The following NLGN1 variants were observed in gnomAD, a reference collection of about 807,000 sequenced individuals.
The protein encoded by NLGN1 is neuroligin-1.
In NLGN1, 12 loss-of-function variants were observed where a neutral mutation model predicts 65.5. That is an observed-to-expected ratio of 0.18 (90% CI 0.12 to 0.30). The LOEUF (loss-of-function observed/expected upper bound fraction) is 0.30. NLGN1 is among the 10% of genes least tolerant of loss of function. NLGN1 has a pLI of 1.00. For synonymous variants in NLGN1, 350 were observed against 359.5 expected (o/e 0.97, Z 0.30); for missense variants, 750 against 1,007.1 (o/e 0.74, Z 3.46).
intron 3 of NLGN1, among the ~76,000 whole-genome samples, chr3:173,746,846 C>T (rs182249479): frequency 3.3e-5 from 5 of 151,620 alleles, no homozygotes; most frequent in African/African-American, 1.2e-4. Context: ...AGTTCAAGAC[C>T]AGCTTAGGTA....
At chr3:173,743,575 T>C (rs1173910956) in intron 3 of NLGN1, among the ~76,000 whole-genome samples, 1 of 152,176 alleles carries the variant, frequency 6.6e-6, no homozygotes, top group African/African-American at 2.4e-5. Flanking sequence ...ATTTTCTTTT[T>C]AGAATTTCCT....
intron 3 of NLGN1, among the ~76,000 whole-genome samples, chr3:173,626,972 C>G (rs895519701): frequency 6.6e-6 from 1 of 152,058 alleles, no homozygotes; most frequent in African/African-American, 2.4e-5. Context: ...AAGTGACTTT[C>G]AAGTCACTCC....
At chr3:173,665,358 A>C (rs1577832934) in intron 3 of NLGN1, among the ~76,000 whole-genome samples, 1 of 152,058 alleles carries the variant, frequency 6.6e-6, no homozygotes, top group South Asian at 2.1e-4. Flanking sequence ...CATGATTATA[A>C]GTTTCCTGAG....
At chr3:174,009,674 G>A (rs551596640) in intron 4 of NLGN1, among the ~76,000 whole-genome samples, 7 of 152,092 alleles carry the variant, frequency 4.6e-5, no homozygotes, top group South Asian at 2.1e-4. Context: ...GATGAGTGGC[G>A]GTAGAATTTC....
At chr3:173,423,802 G>A (rs1715574156) in intron 1 of NLGN1, among the ~76,000 whole-genome samples, 1 of 152,170 alleles carries the variant, frequency 6.6e-6, no homozygotes, top group Admixed American at 6.5e-5. Context: ...TCCCTTTCTG[G>A]GGTCTAGAGG....
chr3:173,518,684 T>C (rs1734262996), intron 2 of NLGN1, among the ~76,000 whole-genome samples: 1 of 152,014 alleles, frequency 6.6e-6, no homozygotes, highest in Admixed American at 6.6e-5. Context: ...TCTAACAACC[T>C]ATGCTCATAT....
chr3:173,582,062 A>G (rs1204488481), intron 2 of NLGN1, among the ~76,000 whole-genome samples: 3 of 152,014 alleles, frequency 2.0e-5, no homozygotes, highest in African/African-American at 7.2e-5. Flanking sequence ...AATAGATGTA[A>G]TTATTTTACC....
At position 173,420,626 on chromosome 3, in the gene NLGN1, T is replaced by C. The variant is rs535040277; in HGVS notation, c.-389-14384T>C. 5.5e-4 allele frequency among the ~76,000 whole-genome samples: 84 copies of C among 152,288 alleles called. 2 individuals carry two copies. The South Asian group carries it at 0.016, about 30-fold the overall frequency. On this transcript the variant is annotated intron_variant, in intron 1 of 6. Coordinates refer to ENST00000457714, the Ensembl canonical transcript of NLGN1. Reference sequence around the variant, plus strand: ...GGATGACTGGGTCAAATGGTATTTCTAGTTCTAGATCCCTGAGGAATTGCC... The same window carrying C: ...GGATGACTGGGTCAAATGGTATTTCCAGTTCTAGATCCCTGAGGAATTGCC...
intron 2 of NLGN1, among the ~76,000 whole-genome samples, chr3:173,541,954 C>T (rs1001145856): frequency 6.6e-6 from 1 of 151,886 alleles, no homozygotes; most frequent in African/African-American, 2.4e-5. Context: ...AAAGTTAAAT[C>T]CCTTACTTAG....
chr3:173,997,868 A>G (rs894273677), intron 4 of NLGN1, among the ~76,000 whole-genome samples: 1 of 152,156 alleles, frequency 6.6e-6, no homozygotes, highest in South Asian at 2.1e-4. Flanking sequence ...TTTTGGTTCT[A>G]GTATCTAGAA....
intron 2 of NLGN1, among the ~76,000 whole-genome samples, chr3:173,575,431 G>A (rs1745359894): frequency 6.6e-6 from 1 of 151,860 alleles, no homozygotes; most frequent in South Asian, 2.1e-4. Flanking sequence ...TCTAAATTAG[G>A]TAACAAATTT....
chr3:173,420,213 C>A (rs1714763044), intron 1 of NLGN1, among the ~76,000 whole-genome samples: 1 of 152,056 alleles, frequency 6.6e-6, no homozygotes, highest in East Asian at 1.9e-4. Flanking sequence ...TCTCCTAATG[C>A]TGTCCCTCCC....
At chr3:173,524,102 A>G (rs1171654581) in intron 2 of NLGN1, among the ~76,000 whole-genome samples, 4 of 147,542 alleles carry the variant, frequency 2.7e-5, no homozygotes, top group South Asian at 2.2e-4. Flanking sequence ...TTTTTTTTGT[A>G]TGTTTAGTAG....
chr3:173,597,243 T>A (rs1315441677), intron 2 of NLGN1, among the ~76,000 whole-genome samples: 1 of 152,186 alleles, frequency 6.6e-6, no homozygotes, highest in African/African-American at 2.4e-5. Flanking sequence ...GTCTTGGGTT[T>A]GTTTCTTGGA....
intron 3 of NLGN1, among the ~76,000 whole-genome samples, chr3:173,661,242 T>G (rs1760886582): frequency 6.6e-6 from 1 of 152,060 alleles, no homozygotes; most frequent in South Asian, 2.1e-4. Context: ...GAAACTCATT[T>G]GATGACTGAT....
At chr3:173,614,525 A>C (rs748928010) in intron 3 of NLGN1, among the ~76,000 whole-genome samples, 23 of 152,070 alleles carry the variant, frequency 1.5e-4, no homozygotes, top group Non-Finnish European at 2.4e-4. Flanking sequence ...ATCTTTCCTG[A>C]CAATGAGCAG....
chr3:173,766,561 C>G (rs79830042), intron 3 of NLGN1, among the ~76,000 whole-genome samples: 2 of 152,052 alleles, frequency 1.3e-5, no homozygotes, highest in Admixed American at 6.6e-5. Context: ...TGTCATCTTA[C>G]GTACATTCTT....
chr3:173,901,166 G>A (rs1434451993), intron 4 of NLGN1, among the ~76,000 whole-genome samples: 1 of 151,734 alleles, frequency 6.6e-6, no homozygotes, highest in Non-Finnish European at 1.5e-5. Flanking sequence ...CCCTTTACTA[G>A]TGTTTGTCAT....
intron 4 of NLGN1, among the ~76,000 whole-genome samples, chr3:174,264,271 A>C (rs1386050989): frequency 2.0e-5 from 3 of 151,296 alleles, no homozygotes; most frequent in Non-Finnish European, 4.4e-5. Flanking sequence ...AATATCCTGC[A>C]GAGTGTTTTC....
Sources: gnomAD v4.1 joint callset for allele counts (sites outside exome capture counted in the v4.1 genomes callset) on GRCh38, gnomAD v4.1.1 for gene constraint, MANE v1.5 for transcripts, NCBI Gene and HGNC (gene_info 2026-07-23, HGNC 2026-07-21) for gene names.